The following KIAA1549 variants were observed in gnomAD, a reference collection of about 807,000 sequenced individuals.
KIAA1549 encodes UPF0606 protein KIAA1549.
Under a neutral mutation model 156.4 loss-of-function variants are expected in KIAA1549, and 70 were observed. The ratio of observed to expected loss-of-function variants is 0.45; its 90% CI spans 0.37 to 0.55. KIAA1549 has a LOEUF of 0.55. KIAA1549 is among the 20% of genes least tolerant of loss of function. The pLI, the probability that KIAA1549 is intolerant of heterozygous loss-of-function variation, is 0.00. For synonymous variants in KIAA1549, 1,103 were observed against 1,066.4 expected (o/e 1.03, Z -0.67); for missense variants, 2,428 against 2,540.9 (o/e 0.96, Z 0.96).
At chr7:138,978,936 C>G (rs1336411626) in intron 1 of KIAA1549, among the ~76,000 whole-genome samples, 1 of 152,212 alleles carries the variant, frequency 6.6e-6, no homozygotes, top group African/African-American at 2.4e-5. Flanking sequence ...CCACCAAGAT[C>G]GTTCCTCACA....
At chr7:138,900,619 G>A (rs142899927) in intron 8 of KIAA1549, among the ~76,000 whole-genome samples, 1 of 152,194 alleles carries the variant, frequency 6.6e-6, no homozygotes, top group Admixed American at 6.5e-5. Flanking sequence ...CGATGGTGGT[G>A]GGGGAGCCTA....
At chr7:138,972,540 G>C (rs1000667556) in intron 1 of KIAA1549, among the ~76,000 whole-genome samples, 28 of 151,802 alleles carry the variant, frequency 1.8e-4, no homozygotes, top group Admixed American at 1.3e-4. Context: ...CCCCATCCCT[G>C]ACTCGGGCCA....
intron 1 of KIAA1549, among the ~76,000 whole-genome samples, chr7:138,949,110 T>C (rs1362921309): frequency 6.6e-6 from 1 of 152,210 alleles, no homozygotes; most frequent in African/African-American, 2.4e-5. Context: ...GTTAAAACTA[T>C]CTCTAATCTA....
In KIAA1549 at chr7:138,837,861, T is replaced by C. The variant is rs768080681; in HGVS notation, c.*45A>G. 7.5e-6 allele frequency: 12 copies of C among 1,592,942 alleles called. No individual in the cohort carries two copies. The highest frequency in any genetic ancestry group is 1.0e-5 in the Non-Finnish European group (12 of 1,169,434). On this transcript the variant is annotated 3_prime_UTR_variant, in exon 20 of 20. Transcript: ENST00000422774. ...TCAGTTGATTTCCTTTTGGTCTTGC[T>C]TCCACAGGAAGCGGATACTTGGCAA...
intron 1 of KIAA1549, among the ~76,000 whole-genome samples, chr7:138,971,079 G>A (rs1584793363): frequency 2.0e-5 from 3 of 152,242 alleles, no homozygotes; most frequent in Admixed American, 2.0e-4. Flanking sequence ...GGACCGCTGT[G>A]GCCTATCTTC....
At chr7:138,968,186 C>T (rs1040815455) in intron 1 of KIAA1549, among the ~76,000 whole-genome samples, 1 of 152,006 alleles carries the variant, frequency 6.6e-6, no homozygotes, top group Admixed American at 6.6e-5. Flanking sequence ...CAGGCCCTCT[C>T]GGTAGGTGGG....
rs187617761 is a variant in KIAA1549, at chr7:138,863,632, T to C, written c.4930-2176A>G. 4.1e-3 allele frequency among the ~76,000 whole-genome samples: 625 copies of C among 152,234 alleles called. 2 individuals carry two copies. Among genetic ancestry groups the C allele is most frequent in the African/African-American group, 0.014 (599 of 41,542 alleles). ...TAACACTCAGATTTCTGGGTTCTCT[T>C]GGCAGAGTCTGAAGCTCTGGCATGA... is the stretch of plus-strand genomic sequence containing the variant. On this transcript the variant is annotated intron_variant, in intron 15 of 19. Transcript: ENST00000422774.
chr7:138,896,075 T>G (rs1390984996), intron 9 of KIAA1549, among the ~76,000 whole-genome samples: 1 of 151,548 alleles, frequency 6.6e-6, no homozygotes, highest in Non-Finnish European at 1.5e-5. Flanking sequence ...ACATGGTGCC[T>G]TACTGCTCAT....
At chr7:138,847,420 C>G (rs965053052) in intron 17 of KIAA1549, among the ~76,000 whole-genome samples, 11 of 152,096 alleles carry the variant, frequency 7.2e-5, no homozygotes, top group African/African-American at 2.4e-4. Context: ...CAAAGCAAAC[C>G]CCTCTGAAAA....
intron 18 of KIAA1549, among the ~76,000 whole-genome samples, chr7:138,841,182 A>G (rs1038609337): frequency 1.8e-4 from 27 of 152,176 alleles, no homozygotes; most frequent in African/African-American, 6.5e-4. Flanking sequence ...ATGAAGCTGA[A>G]GCCTGGCTCT....
At chr7:138,980,610 G>C (rs1814516381) in intron 1 of KIAA1549, among the ~76,000 whole-genome samples, 1 of 152,202 alleles carries the variant, frequency 6.6e-6, no homozygotes. Flanking sequence ...GACACGGCCG[G>C]CCTGCCCGCA....
chr7:138,949,022 T>C (rs1329936209), intron 1 of KIAA1549, among the ~76,000 whole-genome samples: 3 of 152,198 alleles, frequency 2.0e-5, no homozygotes, highest in Admixed American at 6.5e-5. Context: ...ATACCGTTTT[T>C]ACGGGGTCAT....
rs1251216876 is a variant in KIAA1549 at position 138,906,252 on chromosome 7, T to C, written c.3460+667A>G. On this transcript the variant is annotated intron_variant, in intron 6 of 19. Transcript: ENST00000422774. Reference sequence around the variant, plus strand: ...AAATGGAGAATCCATGCCATTTGCATGTCATTACACATTTGTTCAAACCCA... The same window carrying C: ...AAATGGAGAATCCATGCCATTTGCACGTCATTACACATTTGTTCAAACCCA... Among the ~76,000 whole-genome samples, 6 of 152,230 alleles carry C rather than the reference T, an allele frequency of 3.9e-5. 1 individual carries two copies. In the East Asian group the frequency reaches 9.6e-4, roughly 24 times the overall value.
chr7:138,852,182 A>G, intron 17 of KIAA1549, 41 bp downstream of exon 17: 1 of 1,459,898 alleles, frequency 6.8e-7, no homozygotes, highest in Non-Finnish European at 9.5e-7. Flanking sequence ...AAAACAGCCT[A>G]TGTGAGAAAG....
intron 1 of KIAA1549, among the ~76,000 whole-genome samples, chr7:138,922,130 G>A (rs1812581736): frequency 6.6e-6 from 1 of 152,186 alleles, no homozygotes; most frequent in African/African-American, 2.4e-5. Context: ...AGCCAAACAA[G>A]GGAAAAGTAT....
chr7:138,844,502 G>A (rs985439943), intron 17 of KIAA1549, 28 bp from the exon 18 acceptor site: 2 of 1,509,662 alleles, frequency 1.3e-6, no homozygotes, highest in African/African-American at 2.8e-5. Context: ...CAGCACATCA[G>A]GACTCCACTG....
intron 10 of KIAA1549, among the ~76,000 whole-genome samples, chr7:138,892,728 A>G (rs1811576930): frequency 6.6e-6 from 1 of 152,244 alleles, no homozygotes. Flanking sequence ...TTGCTTTTAC[A>G]AAAGTAAAAT....
chr7:138,849,927 G>C (rs1042763194), intron 17 of KIAA1549, among the ~76,000 whole-genome samples: 1 of 152,068 alleles, frequency 6.6e-6, no homozygotes, highest in Admixed American at 6.6e-5. Flanking sequence ...GTATTCCATT[G>C]TGTATGCGTA....
intron 13 of KIAA1549, among the ~76,000 whole-genome samples, chr7:138,870,299 C>T (rs867444678): frequency 2.6e-5 from 4 of 151,956 alleles, no homozygotes; most frequent in Admixed American, 1.3e-4. Context: ...CGAGCTTTAC[C>T]CTCAAGCACT....
Sources: allele counts gnomAD v4.1 joint callset (sites outside exome capture counted in the v4.1 genomes callset), GRCh38; gene constraint gnomAD v4.1.1; transcripts MANE v1.5; gene names NCBI Gene and HGNC (gene_info 2026-07-23, HGNC 2026-07-21).